SDHB: variants seen among roughly 807,000 people sequenced by gnomAD.
The protein encoded by SDHB is succinate dehydrogenase complex iron sulfur subunit B.
In SDHB, 21 loss-of-function variants were observed where a neutral mutation model predicts 39.7. That is an observed-to-expected ratio of 0.53 (90% CI 0.37 to 0.76). The LOEUF (loss-of-function observed/expected upper bound fraction) is 0.76, where lower values mean the gene tolerates loss of function less well. Ranked by LOEUF, SDHB falls within the 30% of genes least tolerant of loss-of-function variation. The pLI is 0.00. For synonymous variants in SDHB, 118 were observed against 117.0 expected, an observed-to-expected ratio of 1.01 and a Z score of -0.06; for missense variants, 343 against 350.9, an observed-to-expected ratio of 0.98 and a Z score of 0.18.
At chr1:17,043,431 C>A (rs774607734) in intron 2 of SDHB, among the ~76,000 whole-genome samples, 1 of 152,158 alleles carries the variant, frequency 6.6e-6, no homozygotes, top group Non-Finnish European at 1.5e-5. Context: ...ATTAACAGCA[C>A]TTACTTGTCA....
chr1:17,050,576 C>T lies in SDHB; in HGVS notation c.72+3372G>A, dbSNP rs114250847. Among the ~76,000 whole-genome samples, 807 of 150,968 alleles carry T rather than the reference C, an allele frequency of 5.3e-3. 9 individuals are homozygous for T. Among genetic ancestry groups the T allele is most frequent in the African/African-American group, 0.019 (774 of 41,150 alleles). Reference sequence around the variant, plus strand: ...CGAGGCAGGAGAATTGCTTGAAATCCGGGAGGCGGAGGGTACGGTGAGCCA... The same window carrying T: ...CGAGGCAGGAGAATTGCTTGAAATCTGGGAGGCGGAGGGTACGGTGAGCCA... On this transcript the variant is annotated intron_variant, in intron 1 of 7. Transcript: ENST00000375499.
chr1:17,020,463 G>A (rs1445074526), intron 7 of SDHB, among the ~76,000 whole-genome samples: 1 of 152,190 alleles, frequency 6.6e-6, no homozygotes, highest in African/African-American at 2.4e-5. Context: ...TTCCAGCCCT[G>A]TTTTACAGAA....
intron 1 of SDHB, among the ~76,000 whole-genome samples, chr1:17,053,243 C>T (rs968007419): frequency 1.3e-5 from 2 of 152,136 alleles, no homozygotes; most frequent in African/African-American, 2.4e-5. Context: ...ACAAGAACAG[C>T]GCCAAGCCCT....
At position 17,053,997 on chromosome 1, in the gene SDHB, G is replaced by A. The variant is rs199848267; in HGVS notation, c.23C>T (p.Ser8Phe). 9.9e-6 allele frequency: 16 copies of A among 1,612,638 alleles called. No individual in the cohort carries two copies. The highest frequency in any genetic ancestry group is 2.7e-5 in the African/African-American group (2 of 74,912). The part of the protein sequence containing the change: MAAVVAL[S>F]LRRRLPATTL... ...TGTGGCCGGCAACCGGCGCCTCAAG[G>A]AGAGGGCGACCACCGCCGCCATCTT... The change falls in exon 1 of 8, where the codon TCC (serine) becomes TTC (phenylalanine). Residue 8 changes from serine (S) to phenylalanine (F), a missense_variant. Coordinates refer to ENST00000375499, the MANE Select transcript of SDHB (RefSeq NM_003000.3).
chr1:17,021,018 G>A lies in SDHB; in HGVS notation c.765+1590C>T, dbSNP rs115084545. 5.5e-3 allele frequency among the ~76,000 whole-genome samples: 832 copies of A among 152,244 alleles called. 8 individuals are homozygous for A. Among genetic ancestry groups the A allele is most frequent in the African/African-American group, 0.019 (802 of 41,550 alleles). ...CGCCCACTGACTCACTGCAACTTTT[G>A]AGTGAAATCACCCACAGTCTTTGCT... On this transcript the variant is annotated intron_variant, in intron 7 of 7. Coordinates refer to ENST00000375499, the MANE Select transcript of SDHB (RefSeq NM_003000.3).
intron 1 of SDHB, chr1:17,052,162 A>C (rs960585003): frequency 2.6e-5 from 4 of 152,214 alleles, no homozygotes; most frequent in African/African-American, 9.6e-5. Flanking sequence ...CACACTTTTA[A>C]GTAGGTAGTT....
chr1:17,049,142 G>C (rs925495318), intron 1 of SDHB, among the ~76,000 whole-genome samples: 1 of 152,156 alleles, frequency 6.6e-6, no homozygotes, highest in Non-Finnish European at 1.5e-5. Context: ...TGGGACTATA[G>C]GTGCACACCA....
intron 1 of SDHB, among the ~76,000 whole-genome samples, chr1:17,051,793 T>A (rs1048347918): frequency 6.6e-6 from 1 of 152,050 alleles, no homozygotes; most frequent in Non-Finnish European, 1.5e-5. Flanking sequence ...GATTTGTAAA[T>A]AGGTATCCTA....
chr1:17,029,366 G>C (rs1247795161), intron 3 of SDHB, among the ~76,000 whole-genome samples: 1 of 151,532 alleles, frequency 6.6e-6, no homozygotes, highest in African/African-American at 2.4e-5. Context: ...CAAGTAATCT[G>C]CCTGCCTTGG....
At position 17,033,135 on chromosome 1, in the gene SDHB, T is replaced by C. The variant is rs1557742895; in HGVS notation, c.211A>G (p.Met71Val). ...ATCTTGATTAAAGCATCCAATACCA[T>C]GGGGCCACATCTAACAAAGAAAAAT... Reference protein sequence around the residue: ...YEVDLNKCGPMVLDALIKIKN... With the variant: ...YEVDLNKCGPVVLDALIKIKN... Residue 71 changes from methionine to valine, a missense_variant, in exon 3 of 8, where the codon ATG becomes GTG. Physicochemically the swap from Met to Val is conservative, Grantham distance 21. Transcript: ENST00000375499. 1.2e-6 allele frequency: 2 copies of C among 1,612,270 alleles called. No homozygotes were observed. Among genetic ancestry groups the C allele is most frequent in the Non-Finnish European group, 1.7e-6 (2 of 1,178,318 alleles).
intron 2 of SDHB, among the ~76,000 whole-genome samples, chr1:17,033,759 C>T (rs1056633478): frequency 6.6e-6 from 1 of 152,228 alleles, no homozygotes; most frequent in Non-Finnish European, 1.5e-5. Context: ...TTAATTTCTG[C>T]CTAGGCATTT....
intron 3 of SDHB, chr1:17,032,757 C>T (rs2078030300): frequency 6.8e-6 from 3 of 443,334 alleles, no homozygotes; most frequent in African/African-American, 6.0e-5. Flanking sequence ...AGCTCAGCAG[C>T]ATGGAAGGTG....
At chr1:17,047,777 C>T (rs948762635) in intron 1 of SDHB, among the ~76,000 whole-genome samples, 2 of 152,052 alleles carry the variant, frequency 1.3e-5, no homozygotes, top group African/African-American at 4.8e-5. Flanking sequence ...TGGACTCAAG[C>T]GATCCTCCCA....
chr1:17,033,871 A>T (rs976751091), intron 2 of SDHB, among the ~76,000 whole-genome samples: 2 of 152,270 alleles, frequency 1.3e-5, no homozygotes, highest in African/African-American at 4.8e-5. Context: ...TATAAATCAT[A>T]GTTTAACTAT....
chr1:17,027,668 T>C (rs1042379132), intron 5 of SDHB, 81 bp downstream of exon 5: 6 of 895,346 alleles, frequency 6.7e-6, no homozygotes, highest in Admixed American at 1.7e-5. Flanking sequence ...CATCAGCTTA[T>C]GTTCCCTGCC....
At chr1:17,024,461 G>A (rs1032560369) in intron 5 of SDHB, among the ~76,000 whole-genome samples, 2 of 152,224 alleles carry the variant, frequency 1.3e-5, no homozygotes, top group African/African-American at 4.8e-5. Flanking sequence ...GTCTGTAGCT[G>A]CTTCTGCCCT....
chr1:17,042,523 A>G (rs2078086543), intron 2 of SDHB, among the ~76,000 whole-genome samples: 1 of 152,164 alleles, frequency 6.6e-6, no homozygotes, highest in South Asian at 2.1e-4. Flanking sequence ...CATGCCTGTA[A>G]TCCTAGGACT....
At chr1:17,039,161 C>T (rs1027057773) in intron 2 of SDHB, among the ~76,000 whole-genome samples, 17 of 151,900 alleles carry the variant, frequency 1.1e-4, no homozygotes, top group Admixed American at 9.2e-4. Context: ...CTATTTGTTC[C>T]ATCATTTTGC....
chr1:17,019,867 A>C (rs550256453), intron 7 of SDHB, among the ~76,000 whole-genome samples: 4 of 152,288 alleles, frequency 2.6e-5, no homozygotes, highest in African/African-American at 9.6e-5. Context: ...CAAGTAACTG[A>C]AACTACAGGT....
Sources: allele counts gnomAD v4.1 joint callset (sites outside exome capture counted in the v4.1 genomes callset), GRCh38; gene constraint gnomAD v4.1.1; transcripts MANE v1.5; gene names NCBI Gene and HGNC (gene_info 2026-07-23, HGNC 2026-07-21).